Variants in MPRIP observed in about 807,000 individuals in gnomAD.
MPRIP encodes myosin phosphatase Rho interacting protein.
In MPRIP, 59 loss-of-function variants were observed where a neutral mutation model predicts 234.9. The observed-to-expected ratio is 0.25, with a 90% CI of 0.20 to 0.31. The LOEUF is 0.31. MPRIP is among the 10% of genes least tolerant of loss of function. The probability of loss-of-function intolerance (pLI) is 1.00; values close to 1 mark genes in which losing one functional copy is unlikely to be tolerated. For missense variants in MPRIP, 2,436 were observed against 3,071.0 expected, an observed-to-expected ratio of 0.79 and a Z score of 4.89; for synonymous variants, 1,144 against 1,263.9, an observed-to-expected ratio of 0.91 and a Z score of 2.01.
chr17:17,101,459 C>T (rs1017527930), intron 3 of MPRIP, among the ~76,000 whole-genome samples: 2 of 152,096 alleles, frequency 1.3e-5, no homozygotes, highest in Non-Finnish European at 2.9e-5. Context: ...CCCAGCCACT[C>T]AGGCTGAGGC....
chr17:17,176,181 C>A (rs1299068675), intron 20 of MPRIP, among the ~76,000 whole-genome samples: 1 of 152,160 alleles, frequency 6.6e-6, no homozygotes, highest in African/African-American at 2.4e-5. Flanking sequence ...GTTCACAGCA[C>A]CCCAGGCTGA....
intron 1 of MPRIP, among the ~76,000 whole-genome samples, chr17:17,070,242 C>G (rs546014967): frequency 6.6e-6 from 1 of 152,156 alleles, no homozygotes; most frequent in African/African-American, 2.4e-5. Context: ...ATGTCTTGGT[C>G]TGGATTTCTT....
rs2046202567 is a variant in MPRIP, at chr17:17,174,042, G to C, written c.6717G>C (p.Gln2239His). 1.2e-6 allele frequency: 2 copies of C among 1,613,318 alleles called. No individual in the cohort carries two copies. The highest frequency in any genetic ancestry group is 1.1e-5 in the South Asian group (1 of 91,086). ...AGCGGCAGGCCCTGCGGCAGTGCCA[G>C]CGTGAGAACCAGGAGCTCAATGCCC... ...EAERQALRQC[Q>H]RENQELNAHN... is the part of the protein sequence containing the mutation. Residue 2239 changes from glutamine (Q) to histidine (H), a missense_variant, in exon 19 of 24, where the codon CAG (glutamine) becomes CAC (histidine). Coordinates refer to ENST00000651222, the MANE Select transcript of MPRIP (RefSeq NM_001364716.4).
At chr17:17,079,023 G>A (rs2089400615) in intron 3 of MPRIP, among the ~76,000 whole-genome samples, 1 of 152,202 alleles carries the variant, frequency 6.6e-6, no homozygotes, top group African/African-American at 2.4e-5. Flanking sequence ...CTGGAAGTAT[G>A]AGTGGAGATA....
At chr17:17,093,469 T>A (rs1004553875) in intron 3 of MPRIP, among the ~76,000 whole-genome samples, 22 of 152,086 alleles carry the variant, frequency 1.4e-4, no homozygotes, top group African/African-American at 2.4e-5. Flanking sequence ...GGCAGTAGTT[T>A]GTTGTTGTTA....
intron 1 of MPRIP, among the ~76,000 whole-genome samples, chr17:17,068,501 T>G (rs1191869116): frequency 6.6e-6 from 1 of 152,020 alleles, no homozygotes; most frequent in Non-Finnish European, 1.5e-5. Flanking sequence ...TTTGTTTCAC[T>G]GATTTTTTCA....
rs141904734 is a variant in MPRIP, at chr17:17,158,975, C to T, written c.2373C>T (p.His791=). 3.7e-6 allele frequency: 6 copies of T among 1,612,506 alleles called. No individual in the cohort carries two copies. Among genetic ancestry groups the T allele is most frequent in the East Asian group, 2.2e-5 (1 of 44,890 alleles). The change falls in exon 14 of 24, where the codon CAC becomes CAT. Residue 791 remains histidine, a synonymous_variant. Coordinates refer to ENST00000651222, the MANE Select transcript of MPRIP (RefSeq NM_001364716.4). ...ATGGGGGTGACCGGCTCTCCACACA[C>T]GAGCTGACCTCTCTGCTCGAGAAGG... ...SEDGGDRLST[H]ELTSLLEKEL... is the part of the protein sequence containing the mutation.
At position 17,167,342 on chromosome 17, in the gene MPRIP, G is replaced by T. The variant is rs923980007; in HGVS notation, c.5751G>T (p.Lys1917Asn). The change falls in exon 16 of 24, where the codon AAG becomes AAT. Residue 1917 changes from lysine to asparagine, a missense_variant. By Grantham distance (94) the Lys-to-Asn change is moderately conservative. This residue lies in a region of MPRIP where 1,998 missense variants were observed against 2,520.3 expected (regional missense o/e 0.79). Transcript: ENST00000651222. The surrounding 1 kb of genome is among the most constrained non-coding windows in gnomAD (Gnocchi z 5.9). The stretch of plus-strand genomic sequence containing the variant: ...TTGAAAGGGAGAATGCAGAGCTCAA[G>T]GCCAAGGCCGCCCAGCTAGACCATC... ...AIVERENAEL[K>N]AKAAQLDHQQ... The T allele has an allele frequency of 2.3e-6, 3 of 1,304,070 alleles. No homozygotes were observed. The African/African-American group carries it at 4.6e-5, about 20-fold the overall frequency. The allele number at this position is 1,304,070 out of a possible 1,614,324, so 80.8% of individuals were successfully genotyped here.
Position 17,167,634 on chromosome 17 carries a change from G to A in MPRIP, c.6043G>A (p.Glu2015Lys). The A allele has an allele frequency of 7.7e-7, 1 of 1,304,272 alleles. No homozygotes were observed. The highest frequency in any genetic ancestry group is 1.0e-6 in the Non-Finnish European group (1 of 988,948). The allele number at this position is 1,304,272 out of a possible 1,614,324, so 80.8% of individuals were successfully genotyped here. Residue 2015 changes from glutamate (E) to lysine (K), a missense_variant, in exon 16 of 24, where the codon GAG becomes AAG. Physicochemically the swap from Glu to Lys is moderately conservative, Grantham distance 56 (BLOSUM62 1). This residue lies in a region of MPRIP where 1,998 missense variants were observed against 2,520.3 expected (regional missense o/e 0.79). Transcript: ENST00000651222. This position sits in a 1 kb window ranked among gnomAD's most constrained non-coding sequence, Gnocchi z 5.9. ...KVRELQTIHE[E>K]ELRTLQEHYS... ...CCGGGAGCTGCAGACGATCCACGAG[G>A]AGGAGCTGAGGACCCTGCAGGAGCA...
chr17:17,065,839 T>C (rs1341304494), intron 1 of MPRIP, among the ~76,000 whole-genome samples: 2 of 152,244 alleles, frequency 1.3e-5, no homozygotes, highest in Non-Finnish European at 2.9e-5. Context: ...CTCATCAGTG[T>C]TGTGTAGTGT....
At chr17:17,118,115 G>A (rs1213768402) in intron 3 of MPRIP, among the ~76,000 whole-genome samples, 1 of 152,244 alleles carries the variant, frequency 6.6e-6, no homozygotes, top group Non-Finnish European at 1.5e-5. Context: ...GTCCAGCCTA[G>A]GTAGCCCTGG....
At chr17:17,108,521 G>A (rs2090106751) in intron 3 of MPRIP, among the ~76,000 whole-genome samples, 1 of 152,220 alleles carries the variant, frequency 6.6e-6, no homozygotes, top group Admixed American at 6.5e-5. Flanking sequence ...TCTGGGCATA[G>A]AACCTCTATT....
intron 3 of MPRIP, among the ~76,000 whole-genome samples, chr17:17,108,280 T>A (rs574480149): frequency 1.3e-5 from 2 of 152,364 alleles, no homozygotes; most frequent in South Asian, 4.1e-4. Context: ...TTTCTTTGCT[T>A]TCATCAGGCC....
intron 1 of MPRIP, among the ~76,000 whole-genome samples, chr17:17,065,410 C>T (rs369647832): frequency 1.9e-3 from 268 of 137,526 alleles, no homozygotes; most frequent in African/African-American, 7.1e-3. Flanking sequence ...TGCCTGTGGA[C>T]GAAGGGTCAC....
chr17:17,176,590 G>A (rs949907782), intron 21 of MPRIP, 78 bp downstream of exon 21: 3 of 1,122,174 alleles, frequency 2.7e-6, no homozygotes, highest in Non-Finnish European at 4.1e-6. Context: ...TCAGGCTGGT[G>A]CTCAGCGCGG....
chr17:17,123,535 T>C (rs2090432222), intron 3 of MPRIP, among the ~76,000 whole-genome samples: 1 of 151,168 alleles, frequency 6.6e-6, no homozygotes, highest in African/African-American at 2.4e-5. Flanking sequence ...TACAAAAATA[T>C]AATACTAAAA....
At position 17,176,480 on chromosome 17, in the gene MPRIP, T is replaced by C; in HGVS notation, c.6925T>C (p.Ser2309Pro). 6.2e-7 allele frequency: 1 copy of C among 1,614,132 alleles called. No individual in the cohort carries two copies. The highest frequency in any genetic ancestry group is 8.5e-7 in the Non-Finnish European group (1 of 1,180,012). The change falls in exon 21 of 24, where the codon TCC becomes CCC. Residue 2309 changes from serine (S) to proline (P), a missense_variant. Physicochemically the swap from Ser to Pro is moderately conservative, Grantham distance 74. This residue lies in a region of MPRIP where 1,998 missense variants were observed against 2,520.3 expected (regional missense o/e 0.79). Transcript: ENST00000651222. ...EIQYLKQEIS[S>P]LKDELQTALR... The stretch of plus-strand genomic sequence containing the variant: ...ACAGTACCTGAAACAGGAGATTAGC[T>C]CCCTCAAGGATGAGCTGCAGACGGC...
Position 17,158,426 on chromosome 17 carries a change from C to T in MPRIP, c.1830-6C>T. ...GACAGGCTATGTCCATCCTCCTGCC[C>T]CACAGCTCGTTGCCAGAGGAAAAAA... On this transcript the variant is annotated splice_region_variant and splice_polypyrimidine_tract_variant and intron_variant, in intron 13 of 23. Coordinates refer to ENST00000651222, the MANE Select transcript of MPRIP (RefSeq NM_001364716.4). 6.5e-7 allele frequency: 1 copy of T among 1,549,558 alleles called. No individual in the cohort carries two copies. The highest frequency in any genetic ancestry group is 1.2e-5 in the South Asian group (1 of 82,246).
intron 3 of MPRIP, among the ~76,000 whole-genome samples, chr17:17,114,840 C>T (rs2090251652): frequency 1.3e-5 from 2 of 152,204 alleles, no homozygotes; most frequent in East Asian, 1.9e-4. Flanking sequence ...AGGCAGCGGC[C>T]GAAGCCAGCA....
Sources: allele counts gnomAD v4.1 joint callset (sites outside exome capture counted in the v4.1 genomes callset), GRCh38; gene constraint gnomAD v4.1.1; regional missense constraint gnomAD v4.1.1; non-coding constraint Gnocchi (gnomAD v3.1); transcripts MANE v1.5; gene names NCBI Gene and HGNC (gene_info 2026-07-23, HGNC 2026-07-21).